KCNMA1: variants seen among roughly 807,000 people sequenced by gnomAD.
The protein encoded by KCNMA1 is potassium calcium-activated channel subfamily M alpha 1.
KCNMA1 carries 29 observed loss-of-function variants against 140.0 expected under a neutral mutation model. That is an observed-to-expected ratio of 0.21 (90% CI 0.15 to 0.28). KCNMA1 has a LOEUF of 0.28. KCNMA1 is among the 10% of genes least tolerant of loss of function. KCNMA1 has a pLI of 1.00. For missense variants in KCNMA1, 880 were observed against 1,602.2 expected (o/e 0.55, Z 7.70); for synonymous variants, 612 against 611.9 (o/e 1.00, Z 0.00).
chr10:76,973,689 A>G (rs2076712489), intron 19 of KCNMA1, among the ~76,000 whole-genome samples: 2 of 152,236 alleles, frequency 1.3e-5, no homozygotes. Flanking sequence ...GTTTTCAAGC[A>G]AAAGCAACGT....
rs551371765 is a variant in KCNMA1, at chr10:77,290,250, G to T, written c.541-38994C>A. ...CTTTTCTTCATATTTCTTCCAAATTGGTTCATATTTAGAGCACTATTGATT... is the reference window on the plus strand; with the variant it reads ...CTTTTCTTCATATTTCTTCCAAATTTGTTCATATTTAGAGCACTATTGATT... On this transcript the variant is annotated intron_variant, in intron 2 of 27. Transcript: ENST00000286628. 3.8e-3 allele frequency among the ~76,000 whole-genome samples: 571 copies of T among 152,232 alleles called. 6 individuals carry two copies. Among genetic ancestry groups the T allele is most frequent in the Non-Finnish European group, 3.6e-3 (247 of 68,012 alleles).
intron 17 of KCNMA1, chr10:77,012,312 C>A: frequency 6.8e-7 from 1 of 1,464,882 alleles, no homozygotes; most frequent in Non-Finnish European, 9.0e-7. Flanking sequence ...ATGTGACACA[C>A]TGTGTCTGCT....
intron 1 of KCNMA1, among the ~76,000 whole-genome samples, chr10:77,571,549 G>A (rs919223232): frequency 6.6e-6 from 1 of 152,208 alleles, no homozygotes; most frequent in East Asian, 1.9e-4. Context: ...AGCCAAAACA[G>A]ATAAGGGCCC....
intron 1 of KCNMA1, among the ~76,000 whole-genome samples, chr10:77,633,429 T>C (rs561712974): frequency 6.6e-6 from 1 of 151,932 alleles, no homozygotes; most frequent in East Asian, 1.9e-4. Flanking sequence ...CAAGAACTCC[T>C]CCAAGGCCAC....
At chr10:77,141,513 C>T (rs1463190520) in intron 5 of KCNMA1, among the ~76,000 whole-genome samples, 1 of 152,226 alleles carries the variant, frequency 6.6e-6, no homozygotes, top group African/African-American at 2.4e-5. Flanking sequence ...GAGAGGGCAG[C>T]CGCCTGCAAG....
chr10:77,163,764 T>C (rs907640235), intron 5 of KCNMA1, among the ~76,000 whole-genome samples: 5 of 152,214 alleles, frequency 3.3e-5, no homozygotes, highest in African/African-American at 1.2e-4. Context: ...AATTGTCTAG[T>C]GCCAAGGTGG....
At chr10:76,953,262 C>T (rs765321678) in intron 21 of KCNMA1, among the ~76,000 whole-genome samples, 5 of 152,168 alleles carry the variant, frequency 3.3e-5, no homozygotes, top group African/African-American at 4.8e-5. Flanking sequence ...TATAAGAATA[C>T]AAAACATTGC....
chr10:77,476,155 C>G (rs1372611742), intron 1 of KCNMA1, among the ~76,000 whole-genome samples: 3 of 152,238 alleles, frequency 2.0e-5, no homozygotes, highest in African/African-American at 7.2e-5. Context: ...GATGAGGCTG[C>G]TGGGAGCAGC....
chr10:77,553,176 C>G (rs1322284344), intron 1 of KCNMA1, among the ~76,000 whole-genome samples: 1 of 152,242 alleles, frequency 6.6e-6, no homozygotes, highest in Admixed American at 6.5e-5. Flanking sequence ...AGCTGATATT[C>G]TCAGTATCAT....
chr10:77,617,539 C>T (rs2090009778), intron 1 of KCNMA1, among the ~76,000 whole-genome samples: 1 of 152,140 alleles, frequency 6.6e-6, no homozygotes, highest in African/African-American at 2.4e-5. Flanking sequence ...TAAGAAGAGG[C>T]AGAGCTGAAG....
intron 5 of KCNMA1, among the ~76,000 whole-genome samples, chr10:77,162,430 T>A (rs947648937): frequency 1.3e-5 from 2 of 152,218 alleles, no homozygotes; most frequent in African/African-American, 4.8e-5. Flanking sequence ...AGAAAAGTAT[T>A]ATGCAAAACC....
At chr10:77,409,793 T>C (rs1276820025) in intron 1 of KCNMA1, among the ~76,000 whole-genome samples, 2 of 152,120 alleles carry the variant, frequency 1.3e-5, no homozygotes, top group African/African-American at 4.8e-5. Context: ...CTCAGGTCTG[T>C]GGTGTGGCAG....
At chr10:77,017,908 C>T (rs1307439119) in intron 17 of KCNMA1, among the ~76,000 whole-genome samples, 2 of 152,090 alleles carry the variant, frequency 1.3e-5, no homozygotes, top group African/African-American at 2.4e-5. Context: ...ATACAGAGAA[C>T]CTAGTACCTA....
intron 3 of KCNMA1, among the ~76,000 whole-genome samples, chr10:77,194,212 G>A (rs1485050245): frequency 6.6e-6 from 1 of 152,160 alleles, no homozygotes; most frequent in Non-Finnish European, 1.5e-5. Context: ...GAGAAAAGAA[G>A]AGCTCTCTAT....
intron 1 of KCNMA1, among the ~76,000 whole-genome samples, chr10:77,468,093 C>G (rs559798915): frequency 6.6e-6 from 1 of 152,080 alleles, no homozygotes; most frequent in African/African-American, 2.4e-5. Context: ...TTGCAGACTC[C>G]GCCTCCCGGG....
intron 1 of KCNMA1, among the ~76,000 whole-genome samples, chr10:77,409,422 A>C (rs973214888): frequency 6.6e-6 from 1 of 152,212 alleles, no homozygotes; most frequent in African/African-American, 2.4e-5. Flanking sequence ...CGGGCCAGGA[A>C]GCAAGCCCCA....
chr10:77,523,982 TGAG>T (rs1335697561), intron 1 of KCNMA1, among the ~76,000 whole-genome samples: 2 of 152,210 alleles, frequency 1.3e-5, no homozygotes, highest in African/African-American at 4.8e-5. Context: ...GATAAATGCT[TGAG>T]GAGATGAATA....
chr10:77,408,723 C>T (rs1019291717), intron 1 of KCNMA1, among the ~76,000 whole-genome samples: 9 of 152,266 alleles, frequency 5.9e-5, no homozygotes, highest in Non-Finnish European at 8.8e-5. Context: ...GAGGCCATCG[C>T]GTGGGGAGGC....
intron 1 of KCNMA1, among the ~76,000 whole-genome samples, chr10:77,568,126 T>G (rs896973544): frequency 6.6e-6 from 1 of 152,196 alleles, no homozygotes; most frequent in Non-Finnish European, 1.5e-5. Flanking sequence ...CAAGACCAGA[T>G]GCATTCACAG....
Sources: allele counts gnomAD v4.1 joint callset (sites outside exome capture counted in the v4.1 genomes callset), GRCh38; gene constraint gnomAD v4.1.1; transcripts MANE v1.5; gene names NCBI Gene and HGNC (gene_info 2026-07-23, HGNC 2026-07-21).